The following CEP112 variants were observed in gnomAD, a reference collection of about 807,000 sequenced individuals.
The protein encoded by CEP112 is centrosomal protein of 112 kDa.
CEP112 carries 127 observed loss-of-function variants against 153.0 expected under a neutral mutation model. The observed-to-expected ratio is 0.83, with a 90% CI of 0.72 to 0.96. CEP112 has a LOEUF of 0.96. CEP112 is among the 40% of genes least tolerant of loss of function. The pLI is 0.00. For missense variants in CEP112, 1,089 were observed against 1,101.2 expected (o/e 0.99, Z 0.16); for synonymous variants, 358 against 374.4 (o/e 0.96, Z 0.51).
At chr17:65,828,397 C>T (rs2056932672) in intron 21 of CEP112, among the ~76,000 whole-genome samples, 3 of 152,186 alleles carry the variant, frequency 2.0e-5, no homozygotes, top group Non-Finnish European at 2.9e-5. Flanking sequence ...TTTTTCCTCT[C>T]TTCCTGCTGG....
intron 11 of CEP112, among the ~76,000 whole-genome samples, chr17:66,055,160 G>C (rs1469237691): frequency 6.6e-6 from 1 of 152,144 alleles, no homozygotes; most frequent in Non-Finnish European, 1.5e-5. Context: ...TGGAAGGACA[G>C]GGAAAACCTG....
In CEP112 at chr17:65,961,342, T is replaced by C. The variant is rs577162268; in HGVS notation, c.1872+121A>G. 6 of 946,756 alleles carry C rather than the reference T, an allele frequency of 6.3e-6. No homozygotes were observed. The South Asian group carries it at 8.2e-5, about 13-fold the overall frequency. 58.6% of individuals were successfully genotyped at this position (946,756 alleles called of 1,614,324 possible). A position where few individuals can be genotyped will look rare whatever the true frequency, so the allele number is the denominator to read the frequency against. The stretch of plus-strand genomic sequence containing the variant: ...TCATTCTGAATCTCTGACCCGATTG[T>C]ATGGCTAATTTTGATACAGCTCTTT... On this transcript the variant is annotated intron_variant, in intron 18 of 26. Transcript: ENST00000535342.
chr17:66,133,077 T>C (rs1439864868), intron 4 of CEP112, among the ~76,000 whole-genome samples: 1 of 151,148 alleles, frequency 6.6e-6, no homozygotes, highest in Non-Finnish European at 1.5e-5. Flanking sequence ...CAAAAAATGA[T>C]GTTCCACATC....
At chr17:66,173,668 A>G (rs1040469141) in intron 4 of CEP112, among the ~76,000 whole-genome samples, 1 of 152,176 alleles carries the variant, frequency 6.6e-6, no homozygotes, top group African/African-American at 2.4e-5. Context: ...ACAGACCACA[A>G]TCTCTTTATA....
intron 24 of CEP112, among the ~76,000 whole-genome samples, chr17:65,662,945 G>A (rs2046467944): frequency 6.6e-6 from 1 of 152,198 alleles, no homozygotes; most frequent in Non-Finnish European, 1.5e-5. Context: ...ATCTTTCTGT[G>A]TAGCTTGAGT....
intron 12 of CEP112, among the ~76,000 whole-genome samples, chr17:66,038,484 C>A (rs904942088): frequency 3.3e-5 from 5 of 152,120 alleles, no homozygotes; most frequent in Admixed American, 6.5e-5. Flanking sequence ...TTAAAAACAA[C>A]AACATTTGCC....
intron 8 of CEP112, among the ~76,000 whole-genome samples, chr17:66,080,504 C>A (rs980143998): frequency 1.2e-4 from 19 of 152,126 alleles, no homozygotes; most frequent in African/African-American, 4.6e-4. Context: ...ATTAAAAAGT[C>A]AGGAAACAAC....
chr17:65,991,863 A>G (rs548713607), intron 17 of CEP112, among the ~76,000 whole-genome samples: 1 of 152,224 alleles, frequency 6.6e-6, no homozygotes, highest in African/African-American at 2.4e-5. Flanking sequence ...CTAAATTCAG[A>G]TTTATACTAT....
chr17:66,010,146 T>C (rs985412534), intron 16 of CEP112, among the ~76,000 whole-genome samples: 2 of 152,124 alleles, frequency 1.3e-5, no homozygotes, highest in Non-Finnish European at 2.9e-5. Flanking sequence ...TTGAGCAATG[T>C]TTTTTATCCC....
intron 23 of CEP112, among the ~76,000 whole-genome samples, chr17:65,713,366 A>G (rs991425638): frequency 2.0e-5 from 3 of 152,240 alleles, no homozygotes; most frequent in African/African-American, 7.2e-5. Context: ...TGGAAACAAA[A>G]ACATAATAAA....
At chr17:65,863,627 C>T (rs1340964219) in intron 20 of CEP112, among the ~76,000 whole-genome samples, 2 of 149,834 alleles carry the variant, frequency 1.3e-5, no homozygotes, top group Non-Finnish European at 3.0e-5. Context: ...GGTGCAGTGG[C>T]GGGTGCCTGT....
intron 6 of CEP112, among the ~76,000 whole-genome samples, chr17:66,126,744 A>C (rs1371295394): frequency 1.3e-5 from 2 of 152,192 alleles, no homozygotes; most frequent in Non-Finnish European, 1.5e-5. Context: ...GAAAATAAAG[A>C]ATATATTTGG....
chr17:65,660,778 C>A (rs757662524), intron 24 of CEP112, among the ~76,000 whole-genome samples: 2 of 152,002 alleles, frequency 1.3e-5, no homozygotes, highest in South Asian at 4.1e-4. Flanking sequence ...GGGCAATCTA[C>A]CTGCTTGAGG....
At chr17:66,001,346 G>A (rs1199790276) in intron 17 of CEP112, among the ~76,000 whole-genome samples, 1 of 152,142 alleles carries the variant, frequency 6.6e-6, no homozygotes, top group Non-Finnish European at 1.5e-5. Flanking sequence ...TTCGATATTA[G>A]ACCTTTGTCA....
intron 17 of CEP112, among the ~76,000 whole-genome samples, chr17:65,982,488 A>T (rs1355330749): frequency 2.6e-5 from 4 of 152,232 alleles, no homozygotes; most frequent in Non-Finnish European, 2.9e-5. Context: ...GATGGTTTGA[A>T]TTCTTGAACA....
chr17:65,920,939 C>A (rs150498116), intron 19 of CEP112, among the ~76,000 whole-genome samples: 8 of 152,154 alleles, frequency 5.3e-5, no homozygotes, highest in African/African-American at 1.7e-4. Context: ...TTCCAGCCAG[C>A]TTAAAGCTGC....
intron 20 of CEP112, among the ~76,000 whole-genome samples, chr17:65,893,142 C>G (rs1568181865): frequency 6.6e-6 from 1 of 152,012 alleles, no homozygotes; most frequent in Non-Finnish European, 1.5e-5. Context: ...TTCTGTATCA[C>G]AGAGCCACAG....
At chr17:65,715,964 A>G (rs1362759217) in intron 23 of CEP112, among the ~76,000 whole-genome samples, 1 of 152,208 alleles carries the variant, frequency 6.6e-6, no homozygotes, top group Non-Finnish European at 1.5e-5. Flanking sequence ...AATATGTAGG[A>G]GGAAGTTGAT....
At chr17:65,881,173 C>T (rs534183905) in intron 20 of CEP112, among the ~76,000 whole-genome samples, 55 of 152,066 alleles carry the variant, frequency 3.6e-4, no homozygotes, top group Non-Finnish European at 6.3e-4. Flanking sequence ...GCCGAGATAG[C>T]GCCACTGCAC....
Sources: gnomAD v4.1 joint callset for allele counts (sites outside exome capture counted in the v4.1 genomes callset) on GRCh38, gnomAD v4.1.1 for gene constraint, MANE v1.5 for transcripts, NCBI Gene and HGNC (gene_info 2026-07-23, HGNC 2026-07-21) for gene names.